Variants in CORO2B observed in about 807,000 individuals in gnomAD.
The protein encoded by CORO2B is coronin-2B.
Under a neutral mutation model 58.8 loss-of-function variants are expected in CORO2B, and 26 were observed. The observed-to-expected ratio is 0.44, with a 90% CI of 0.32 to 0.61. CORO2B has a LOEUF of 0.61. CORO2B is among the 20% of genes least tolerant of loss of function. The pLI is 0.04. For missense variants in CORO2B, 460 were observed against 645.1 expected, an observed-to-expected ratio of 0.71 and a Z score of 3.11; for synonymous variants, 242 against 253.8, an observed-to-expected ratio of 0.95 and a Z score of 0.44.
intron 4 of CORO2B, among the ~76,000 whole-genome samples, chr15:68,711,224 C>T (rs1892909056): frequency 6.6e-6 from 1 of 152,136 alleles, no homozygotes; most frequent in Admixed American, 6.5e-5. Flanking sequence ...AGTGGAGCCT[C>T]AGCCCCGAGC....
chr15:68,546,638 C>A, the CORO2B span, among the ~76,000 whole-genome samples: 2 of 152,166 alleles, frequency 1.3e-5, no homozygotes, highest in Admixed American at 6.5e-5. Context: ...AGTCTGTCTG[C>A]CTCTGACCAG....
At chr15:68,718,922 G>T in intron 9 of CORO2B, 112 bp downstream of exon 9, 1 of 982,372 alleles carries the variant, frequency 1.0e-6, no homozygotes, top group Admixed American at 2.0e-5. Context: ...TGTGAACTGG[G>T]GTCTTCAAAC....
upstream of CORO2B, among the ~76,000 whole-genome samples, chr15:68,575,572 G>T (rs1445022386): frequency 6.1e-4 from 17 of 28,072 alleles, no homozygotes; most frequent in East Asian, 0.011. Flanking sequence ...CTGACCTTGT[G>T]ATCTGCCCCC....
intron 8 of CORO2B, among the ~76,000 whole-genome samples, chr15:68,717,868 C>G (rs1289979833): frequency 6.6e-6 from 1 of 152,194 alleles, no homozygotes; most frequent in African/African-American, 2.4e-5. Flanking sequence ...GTGGTCTGTG[C>G]TCGTCACGGT....
chr15:68,652,011 T>G (rs1280472129), intron 2 of CORO2B, among the ~76,000 whole-genome samples: 2 of 152,218 alleles, frequency 1.3e-5, no homozygotes, highest in Admixed American at 6.5e-5. Flanking sequence ...TCATTGATCC[T>G]CTCAGCAGGT....
intron 1 of CORO2B, among the ~76,000 whole-genome samples, chr15:68,595,191 G>A (rs891209982): frequency 6.6e-6 from 1 of 152,232 alleles, no homozygotes; most frequent in African/African-American, 2.4e-5. Flanking sequence ...GACTTGTGGG[G>A]TCAGGCCAGA....
the CORO2B span, among the ~76,000 whole-genome samples, chr15:68,520,347 T>C: frequency 6.6e-6 from 1 of 152,234 alleles, no homozygotes; most frequent in Non-Finnish European, 1.5e-5. Flanking sequence ...GCTTGTTCCA[T>C]CAGTTACTGA....
Position 68,594,594 on chromosome 15 carries a change from C to A in CORO2B, c.15+15317C>A, listed in dbSNP as rs561996551. On this transcript the variant is annotated intron_variant, in intron 1 of 11. Transcript: ENST00000261861. Reference sequence around the variant, plus strand: ...AAAGCAGTTCTGTTTGTTTCTGTCTCCTGAAATATTTATGCAGGAATATGA... The same window carrying A: ...AAAGCAGTTCTGTTTGTTTCTGTCTACTGAAATATTTATGCAGGAATATGA... 1.2e-4 allele frequency among the ~76,000 whole-genome samples: 19 copies of A among 152,330 alleles called. No homozygotes were observed. The South Asian group carries it at 3.9e-3, about 32-fold the overall frequency.
intron 2 of CORO2B, among the ~76,000 whole-genome samples, chr15:68,670,900 A>AT (rs1902370458): frequency 6.6e-6 from 1 of 152,236 alleles, no homozygotes; most frequent in African/African-American, 2.4e-5. Context: ...CTTAAAATTC[A>AT]TAACAAAAGC....
chr15:68,567,178 T>C, the CORO2B span, among the ~76,000 whole-genome samples: 1 of 152,170 alleles, frequency 6.6e-6, no homozygotes, highest in East Asian at 1.9e-4. Flanking sequence ...CCAACCCCCC[T>C]TCGGCTCTCA....
At chr15:68,632,913 G>A (rs1900891036) in intron 1 of CORO2B, among the ~76,000 whole-genome samples, 1 of 152,148 alleles carries the variant, frequency 6.6e-6, no homozygotes, top group African/African-American at 2.4e-5. Flanking sequence ...GTGAGTTAGG[G>A]GAGAGCAGGA....
intron 1 of CORO2B, among the ~76,000 whole-genome samples, chr15:68,619,665 ATG>A (rs375892839): frequency 9.9e-5 from 15 of 151,576 alleles, no homozygotes; most frequent in African/African-American, 2.2e-4. Context: ...CTGGGTGTAA[ATG>A]TGTGTGTGTG....
intron 1 of CORO2B, among the ~76,000 whole-genome samples, chr15:68,587,661 C>T (rs957013331): frequency 1.3e-5 from 2 of 152,152 alleles, no homozygotes; most frequent in South Asian, 2.1e-4. Context: ...CTAACCCTTC[C>T]GGAGCACTTA....
chr15:68,717,156 A>G (rs1046009991), intron 8 of CORO2B, among the ~76,000 whole-genome samples: 2 of 151,958 alleles, frequency 1.3e-5, no homozygotes, highest in Non-Finnish European at 2.9e-5. Context: ...GTCACCAAAA[A>G]TACAAAAAGT....
At chr15:68,613,500 C>A (rs1323340368) in intron 1 of CORO2B, among the ~76,000 whole-genome samples, 1 of 152,202 alleles carries the variant, frequency 6.6e-6, no homozygotes, top group East Asian at 1.9e-4. Context: ...AGTCTTCAGT[C>A]CCCTGGTGGC....
At chr15:68,596,405 G>C (rs8032777) in intron 1 of CORO2B, among the ~76,000 whole-genome samples, 5,267 of 151,500 alleles carry the variant, frequency 0.035, 342 homozygotes, top group African/African-American at 0.12. Flanking sequence ...TGGAATGAAG[G>C]GGGGATAGAG....
At position 68,686,887 on chromosome 15, in the gene CORO2B, G is replaced by A. The variant is rs145035723; in HGVS notation, c.217-8253G>A. Reference sequence around the variant, plus strand: ...GCACCCCAGCCTGCGCAACAAGAGCGAAACTCCGTCTCAAAAAAAAAAAAA... The same window carrying A: ...GCACCCCAGCCTGCGCAACAAGAGCAAAACTCCGTCTCAAAAAAAAAAAAA... On this transcript the variant is annotated intron_variant, in intron 2 of 11. Coordinates refer to ENST00000261861, the MANE Select transcript of CORO2B (RefSeq NM_006091.5). 2.9e-4 allele frequency among the ~76,000 whole-genome samples: 43 copies of A among 145,874 alleles called. No homozygotes were observed. The East Asian group carries it at 6.4e-3, about 22-fold the overall frequency.
intron 2 of CORO2B, among the ~76,000 whole-genome samples, chr15:68,673,405 C>T (rs2140297113): frequency 6.6e-6 from 1 of 152,120 alleles, no homozygotes; most frequent in East Asian, 1.9e-4. Context: ...CTGAGTCCGG[C>T]TACTTGGGAG....
Position 68,645,075 on chromosome 15 carries a change from G to A in CORO2B, c.16-85G>A, listed in dbSNP as rs140232923. On this transcript the variant is annotated intron_variant, in intron 1 of 11. Coordinates refer to ENST00000261861, the MANE Select transcript of CORO2B (RefSeq NM_006091.5). This position sits in a 1 kb window ranked among gnomAD's most constrained non-coding sequence, Gnocchi z 4.5. ...TGCTCACCTGCTGCACCTCTGAGCC[G>A]CAGCTTCCCTCCCCCAAGAGCCCAG... is the stretch of plus-strand genomic sequence containing the variant. 776 of 1,417,618 alleles carry A rather than the reference G, an allele frequency of 5.5e-4. 3 individuals carry two copies. The African/African-American group carries it at 1.0e-2, about 18-fold the overall frequency. The allele number at this position is 1,417,618 out of a possible 1,614,324, so 87.8% of individuals were successfully genotyped here. A position where few individuals can be genotyped will look rare whatever the true frequency, so the allele number is the denominator to read the frequency against.
Sources: gnomAD v4.1 joint callset for allele counts (sites outside exome capture counted in the v4.1 genomes callset) on GRCh38, gnomAD v4.1.1 for gene constraint, Gnocchi (gnomAD v3.1) non-coding constraint, MANE v1.5 for transcripts, NCBI Gene and HGNC (gene_info 2026-07-23, HGNC 2026-07-21) for gene names.